Variants in RNF8 observed in about 807,000 individuals in gnomAD.
The protein encoded by RNF8 is E3 ubiquitin-protein ligase RNF8.
Under a neutral mutation model 59.3 loss-of-function variants are expected in RNF8, and 8 were observed. The observed-to-expected ratio is 0.13, with a 90% CI of 0.08 to 0.24. The LOEUF (loss-of-function observed/expected upper bound fraction) is 0.24. Ranked by LOEUF, RNF8 falls within the 10% of genes least tolerant of loss-of-function variation. The pLI is 1.00. For synonymous variants in RNF8, 162 were observed against 200.0 expected (o/e 0.81, Z 1.60); for missense variants, 406 against 572.6 (o/e 0.71, Z 2.97).
At chr6:37,356,762 G>C (rs1020087942) in intron 1 of RNF8, among the ~76,000 whole-genome samples, 2 of 152,072 alleles carry the variant, frequency 1.3e-5, no homozygotes, top group Non-Finnish European at 2.9e-5. Flanking sequence ...GGGGTGTTTT[G>C]TTTTGAGACA....
rs549299077 is a variant in RNF8 at position 37,365,255 on chromosome 6, T to C, written c.241-3229T>C. 1.5e-3 allele frequency among the ~76,000 whole-genome samples: 224 copies of C among 152,180 alleles called. 1 individual carries two copies. Among genetic ancestry groups the C allele is most frequent in the African/African-American group, 4.9e-3 (205 of 41,494 alleles). ...AAGTGAAAGAAGCAAGACTCAAAAGTGTAGATAATAAGATTCCATTTGTAT... is the reference window on the plus strand; with the variant it reads ...AAGTGAAAGAAGCAAGACTCAAAAGCGTAGATAATAAGATTCCATTTGTAT... On this transcript the variant is annotated intron_variant, in intron 2 of 7. Transcript: ENST00000373479.
intron 1 of RNF8, 127 bp downstream of exon 1, chr6:37,354,402 C>G: frequency 4.3e-6 from 3 of 694,356 alleles, no homozygotes; most frequent in South Asian, 4.3e-5. Flanking sequence ...GGAAGAGGAG[C>G]GAAGTGTCTG....
chr6:37,364,301 A>G (rs924471701), intron 2 of RNF8, among the ~76,000 whole-genome samples: 1 of 149,798 alleles, frequency 6.7e-6, no homozygotes, highest in Non-Finnish European at 1.5e-5. Flanking sequence ...AAATCTGGAT[A>G]GTAGTCACTT....
At chr6:37,362,948 G>A (rs1769383611) in intron 2 of RNF8, among the ~76,000 whole-genome samples, 1 of 152,178 alleles carries the variant, frequency 6.6e-6, no homozygotes, top group Admixed American at 6.5e-5. Context: ...GTAGGTTTTG[G>A]TCAATTCATA....
At chr6:37,386,714 A>G (rs1305154709) in intron 7 of RNF8, among the ~76,000 whole-genome samples, 1 of 152,188 alleles carries the variant, frequency 6.6e-6, no homozygotes, top group East Asian at 1.9e-4. Flanking sequence ...TCGCTGCTGG[A>G]GGCTGCAGCC....
intron 2 of RNF8, among the ~76,000 whole-genome samples, chr6:37,363,905 C>T (rs984068054): frequency 1.3e-5 from 2 of 152,080 alleles, no homozygotes; most frequent in Non-Finnish European, 2.9e-5. Context: ...GAAGGCTGGG[C>T]GCTGTGGCTC....
rs1000515082 is a variant in RNF8 at position 37,394,285 on chromosome 6, A to T, written c.*3527A>T. 6.6e-6 allele frequency: 1 copy of T among 152,238 alleles called. No individual in the cohort carries two copies. The highest frequency in any genetic ancestry group is 2.4e-5 in the African/African-American group (1 of 41,454). 9.4% of individuals were successfully genotyped at this position (152,238 alleles called of 1,614,324 possible). A position where few individuals can be genotyped will look rare whatever the true frequency, so the allele number is the denominator to read the frequency against. On this transcript the variant is annotated 3_prime_UTR_variant, in exon 8 of 8. Coordinates refer to ENST00000373479, the MANE Select transcript of RNF8 (RefSeq NM_003958.4). The stretch of plus-strand genomic sequence containing the variant: ...CCTAGTTAGCTTCATTCAGAGAAAG[A>T]AACTTCCTACCTGGTCAGCTTTTTC...
intron 4 of RNF8, among the ~76,000 whole-genome samples, chr6:37,371,851 A>C (rs1172238411): frequency 1.3e-5 from 2 of 152,182 alleles, no homozygotes; most frequent in Non-Finnish European, 2.9e-5. Context: ...CTCTCTGGGG[A>C]AGTGGCTCCA....
intron 6 of RNF8, among the ~76,000 whole-genome samples, chr6:37,378,073 C>T (rs1291160402): frequency 6.6e-6 from 1 of 152,142 alleles, no homozygotes; most frequent in Non-Finnish European, 1.5e-5. Flanking sequence ...GCAAGAGGAT[C>T]ACCTGAGGTT....
At chr6:37,364,908 T>G (rs1769485884) in intron 2 of RNF8, among the ~76,000 whole-genome samples, 1 of 152,178 alleles carries the variant, frequency 6.6e-6, no homozygotes, top group South Asian at 2.1e-4. Flanking sequence ...TAGCTGGGAT[T>G]ACAGGCATGC....
In RNF8 at chr6:37,368,837, A is replaced by G; in HGVS notation, c.594A>G (p.Thr198=). Residue 198 remains threonine, a synonymous_variant, in exon 3 of 8, where the codon ACA becomes ACG. Transcript: ENST00000373479. Reference sequence around the variant, plus strand: ...AGGGGAAAGGTGAAGTGGCCAGTACACCCTCTGACAATTTGGATCCTAAGT... The same window carrying G: ...AGGGGAAAGGTGAAGTGGCCAGTACGCCCTCTGACAATTTGGATCCTAAGT... The part of the protein sequence containing the change: ...KSQGKGEVAS[T]PSDNLDPKLT... 1 of 1,614,056 alleles carries G rather than the reference A, an allele frequency of 6.2e-7. No homozygotes were observed. Among genetic ancestry groups the G allele is most frequent in the African/African-American group, 1.3e-5 (1 of 75,010 alleles).
intron 2 of RNF8, among the ~76,000 whole-genome samples, chr6:37,363,638 T>C (rs1769416776): frequency 6.6e-6 from 1 of 152,210 alleles, no homozygotes; most frequent in South Asian, 2.1e-4. Flanking sequence ...TATGGAGTGA[T>C]AGAATGTTCT....
intron 7 of RNF8, among the ~76,000 whole-genome samples, chr6:37,388,175 G>A (rs1005437428): frequency 2.0e-5 from 3 of 152,152 alleles, no homozygotes; most frequent in Non-Finnish European, 4.4e-5. Flanking sequence ...AGCAGGGATG[G>A]CCAGAGTGGA....
chr6:37,393,921 T>G lies in RNF8; in HGVS notation c.*3163T>G, dbSNP rs1376362089. 6.6e-6 allele frequency: 1 copy of G among 152,234 alleles called. No individual in the cohort carries two copies. The highest frequency in any genetic ancestry group is 1.5e-5 in the Non-Finnish European group (1 of 68,086). The allele number at this position is 152,234 out of a possible 1,614,324, so 9.4% of individuals were successfully genotyped here. ...TGCTGGAGTGTCTGGGATTGGTAGC[T>G]CTCTCCAACTGCCTGCTTGCTCTTT... On this transcript the variant is annotated 3_prime_UTR_variant, in exon 8 of 8. Coordinates refer to ENST00000373479, the MANE Select transcript of RNF8 (RefSeq NM_003958.4).
At chr6:37,381,124 T>TA in intron 6 of RNF8, 26 bp from the exon 7 acceptor site, 1 of 1,587,746 alleles carries the variant, frequency 6.3e-7, no homozygotes, top group Non-Finnish European at 8.6e-7. Context: ...AAAGTTCTGA[T>TA]ATGTGTGTCC....
At chr6:37,364,870 A>G (rs889365504) in intron 2 of RNF8, among the ~76,000 whole-genome samples, 6 of 152,154 alleles carry the variant, frequency 3.9e-5, no homozygotes, top group African/African-American at 1.4e-4. Flanking sequence ...CCCGGGTTCA[A>G]GTGATTTTCC....
intron 2 of RNF8, among the ~76,000 whole-genome samples, chr6:37,363,777 C>T (rs1490493343): frequency 6.6e-6 from 1 of 152,152 alleles, no homozygotes; most frequent in Non-Finnish European, 1.5e-5. Context: ...AAATGTCCAT[C>T]AACAGTAGAA....
At chr6:37,379,081 A>G (rs1167491237) in intron 6 of RNF8, among the ~76,000 whole-genome samples, 2 of 152,158 alleles carry the variant, frequency 1.3e-5, no homozygotes, top group Admixed American at 6.5e-5. Flanking sequence ...CAGTGGCGCA[A>G]TCTCGGCTCA....
At chr6:37,366,432 A>G (rs915451602) in intron 2 of RNF8, among the ~76,000 whole-genome samples, 5 of 152,144 alleles carry the variant, frequency 3.3e-5, no homozygotes, top group African/African-American at 1.2e-4. Context: ...AATTCAGCAA[A>G]CCTTATCACT....
Sources: gnomAD v4.1 joint callset for allele counts (sites outside exome capture counted in the v4.1 genomes callset) on GRCh38, gnomAD v4.1.1 for gene constraint, MANE v1.5 for transcripts, NCBI Gene and HGNC (gene_info 2026-07-23, HGNC 2026-07-21) for gene names.